Variants in ANKRD10 observed in about 807,000 individuals in gnomAD.
ANKRD10 encodes the protein ankyrin repeat domain-containing protein 10.
Under a neutral mutation model 27.0 loss-of-function variants are expected in ANKRD10, and 14 were observed. The ratio of observed to expected loss-of-function variants is 0.52; its 90% CI spans 0.34 to 0.81. ANKRD10 has a LOEUF of 0.81. ANKRD10 is among the 40% of genes least tolerant of loss of function. The pLI, the probability that ANKRD10 is intolerant of heterozygous loss-of-function variation, is 0.01. For missense variants in ANKRD10, 493 were observed against 544.0 expected, an observed-to-expected ratio of 0.91 and a Z score of 0.93; for synonymous variants, 250 against 224.5, an observed-to-expected ratio of 1.11 and a Z score of -1.01.
chr13:110,903,059 CTT>C (rs1244222597), intron 3 of ANKRD10, among the ~76,000 whole-genome samples: 1 of 152,162 alleles, frequency 6.6e-6, no homozygotes, highest in Non-Finnish European at 1.5e-5. Flanking sequence ...CACATTAAGA[CTT>C]AATGTTATGC....
chr13:110,891,007 C>A (rs192150628), intron 4 of ANKRD10, among the ~76,000 whole-genome samples: 1 of 148,544 alleles, frequency 6.7e-6, no homozygotes, highest in Non-Finnish European at 1.5e-5. Flanking sequence ...ATTCAACTGA[C>A]CTTAGAAACT....
Position 110,893,998 on chromosome 13 carries a change from A to C in ANKRD10, c.456-735T>G, listed in dbSNP as rs74913689. ...AAGTTTTACCTGGCTAATAGTACTAAAAAGGAAAGGTCTGAGACCTCTACA... is the reference window on the plus strand; with the variant it reads ...AAGTTTTACCTGGCTAATAGTACTACAAAGGAAAGGTCTGAGACCTCTACA... On this transcript the variant is annotated intron_variant, in intron 3 of 5. Transcript: ENST00000267339. 4,796 of 763,620 alleles carry C rather than the reference A, an allele frequency of 6.3e-3. 149 individuals carry two copies. In the African/African-American group the frequency reaches 0.07, roughly 11 times the overall value. The allele number at this position is 763,620 out of a possible 1,614,324, so 47.3% of individuals were successfully genotyped here. A position where few individuals can be genotyped will look rare whatever the true frequency, so the allele number is the denominator to read the frequency against.
chr13:110,892,776 C>T (rs962541092), intron 4 of ANKRD10: 5 of 1,203,678 alleles, frequency 4.2e-6, no homozygotes, highest in Non-Finnish European at 5.2e-6. Flanking sequence ...GGCAGGTAAA[C>T]ATGGGTGCTC....
At position 110,878,715 on chromosome 13, in the gene ANKRD10, T is replaced by C. The variant is rs1321164237; in HGVS notation, c.*922A>G. The C allele has an allele frequency of 6.6e-6, 1 of 152,662 alleles. No homozygotes were observed. The highest frequency in any genetic ancestry group is 2.4e-5 in the African/African-American group (1 of 41,462). 9.5% of individuals were successfully genotyped at this position (152,662 alleles called of 1,614,324 possible). Reference sequence around the variant, plus strand: ...TTGCAGAGTATAACCACTAGTTGCCTAGACAAAAGCTAATTTCTACAAAAT... The same window carrying C: ...TTGCAGAGTATAACCACTAGTTGCCCAGACAAAAGCTAATTTCTACAAAAT... On this transcript the variant is annotated 3_prime_UTR_variant, in exon 6 of 6. Coordinates refer to ENST00000267339, the MANE Select transcript of ANKRD10 (RefSeq NM_017664.4).
chr13:110,895,586 C>A, intron 3 of ANKRD10, among the ~76,000 whole-genome samples: 1 of 152,184 alleles, frequency 6.6e-6, no homozygotes, highest in South Asian at 2.1e-4. Flanking sequence ...GATTCTATCT[C>A]TAAATAAATA....
chr13:110,910,577 A>AAAAAGC (rs761303042), intron 2 of ANKRD10, 41 bp downstream of exon 2: 22 of 1,608,410 alleles, frequency 1.4e-5, no homozygotes, highest in Non-Finnish European at 1.8e-5. Context: ...CTGCAAAAAG[A>AAAAAGC]AAAAGCAAAA....
intron 3 of ANKRD10, among the ~76,000 whole-genome samples, chr13:110,899,734 TTCTC>T (rs541686273): frequency 2.0e-5 from 3 of 152,142 alleles, no homozygotes; most frequent in African/African-American, 7.2e-5. Flanking sequence ...GCCACCCATT[TTCTC>T]TCTACTATTC....
chr13:110,906,245 G>T, intron 2 of ANKRD10, 121 bp from the exon 3 acceptor site: 1 of 749,396 alleles, frequency 1.3e-6, no homozygotes, highest in Non-Finnish European at 2.1e-6. Flanking sequence ...AACATGTTGA[G>T]CAAGATCTGA....
intron 4 of ANKRD10, among the ~76,000 whole-genome samples, chr13:110,889,497 T>C (rs1288314928): frequency 6.8e-6 from 1 of 148,088 alleles, no homozygotes; most frequent in Non-Finnish European, 1.5e-5. Flanking sequence ...GTATGACTTC[T>C]TGTAGCATAA....
At chr13:110,901,060 A>C (rs577945622) in intron 3 of ANKRD10, among the ~76,000 whole-genome samples, 1 of 152,354 alleles carries the variant, frequency 6.6e-6, no homozygotes, top group Middle Eastern at 3.4e-3. Context: ...TGTATCTCAA[A>C]TACATTAGTA....
chr13:110,913,860 G>A (rs9588297), intron 1 of ANKRD10, among the ~76,000 whole-genome samples: 5 of 151,964 alleles, frequency 3.3e-5, no homozygotes, highest in African/African-American at 7.3e-5. Context: ...AGATTTCTGA[G>A]AGCAAGTACC....
chr13:110,914,712 C>T lies in ANKRD10; in HGVS notation c.210+13G>A. The stretch of plus-strand genomic sequence containing the variant: ...AGCCGGGGAAAATGGCGCCTTAAAG[C>T]GTTCGCACCCACCTTGCCGAAATGC... On this transcript the variant is annotated intron_variant, in intron 1 of 5. Transcript: ENST00000267339. The T allele has an allele frequency of 1.9e-6, 3 of 1,565,798 alleles. No homozygotes were observed. Among genetic ancestry groups the T allele is most frequent in the Non-Finnish European group, 2.6e-6 (3 of 1,155,832 alleles).
intron 2 of ANKRD10, among the ~76,000 whole-genome samples, chr13:110,906,504 C>T (rs1194631638): frequency 6.6e-6 from 1 of 152,112 alleles, no homozygotes; most frequent in Non-Finnish European, 1.5e-5. Context: ...GTCATCAAGG[C>T]CAAGAAATAG....
rs940160223 is a variant in ANKRD10 at position 110,888,394 on chromosome 13, C to G, written c.692-4601G>C. ...TTCAAGACGTCACATCTTCAGGGAT[C>G]AAGAAAAAACAATCACTCCTTATTT... On this transcript the variant is annotated intron_variant, in intron 4 of 5. Coordinates refer to ENST00000267339, the MANE Select transcript of ANKRD10 (RefSeq NM_017664.4). 2.0e-5 allele frequency among the ~76,000 whole-genome samples: 3 copies of G among 151,768 alleles called. No homozygotes were observed. In the East Asian group the frequency reaches 5.8e-4, roughly 29 times the overall value.
chr13:110,883,389 A>G, intron 5 of ANKRD10: 2 of 488,216 alleles, frequency 4.1e-6, no homozygotes, highest in Non-Finnish European at 5.7e-6. Context: ...CAGAATAAAG[A>G]TTGCACTTAC....
At chr13:110,901,047 T>G (rs1288139085) in intron 3 of ANKRD10, among the ~76,000 whole-genome samples, 1 of 152,216 alleles carries the variant, frequency 6.6e-6, no homozygotes, top group African/African-American at 2.4e-5. Flanking sequence ...AAATTTGGTA[T>G]GCTGTATCTC....
At chr13:110,885,651 A>G (rs1255760233) in intron 4 of ANKRD10, among the ~76,000 whole-genome samples, 1 of 152,204 alleles carries the variant, frequency 6.6e-6, no homozygotes, top group East Asian at 1.9e-4. Flanking sequence ...AACCTCCAGG[A>G]GCCTTCATGG....
At chr13:110,911,914 A>G (rs1278251879) in intron 1 of ANKRD10, 2 of 152,266 alleles carry the variant, frequency 1.3e-5, no homozygotes, top group Non-Finnish European at 2.9e-5. Context: ...TACTCATTGA[A>G]TAATCAATAG....
At position 110,906,068 on chromosome 13, in the gene ANKRD10, G is replaced by A. The variant is rs1003257368; in HGVS notation, c.420C>T (p.Cys140=). The A allele has an allele frequency of 1.6e-5, 25 of 1,604,140 alleles. No individual in the cohort carries two copies. Among genetic ancestry groups the A allele is most frequent in the African/African-American group, 4.0e-5 (3 of 74,868 alleles). ...CCCCATTCGCCACAAGGGCACTGAT[G>A]CATTCTAGGCTCCCAGAGCGAGCTG... ...HKAARSGSLE[C]ISALVANGAH... The change falls in exon 3 of 6, where the codon TGC becomes TGT. Residue 140 remains cysteine (C), a synonymous_variant. Transcript: ENST00000267339.
Sources: allele counts gnomAD v4.1 joint callset (sites outside exome capture counted in the v4.1 genomes callset), GRCh38; gene constraint gnomAD v4.1.1; transcripts MANE v1.5; gene names NCBI Gene and HGNC (gene_info 2026-07-23, HGNC 2026-07-21).